Variants in VAV2 observed in about 807,000 individuals in gnomAD.
The protein encoded by VAV2 is vav guanine nucleotide exchange factor 2.
A neutral mutation model predicts 132.5 loss-of-function variants in VAV2; 67 were observed. The ratio of observed to expected loss-of-function variants is 0.51; its 90% confidence interval spans 0.42 to 0.62. VAV2 has a LOEUF of 0.62. Ranked by LOEUF, VAV2 falls within the 20% of genes least tolerant of loss-of-function variation. The pLI is 0.00. For missense variants in VAV2, 938 were observed against 1,153.6 expected, an observed-to-expected ratio of 0.81 and a Z score of 2.71; for synonymous variants, 492 against 443.5, an observed-to-expected ratio of 1.11 and a Z score of -1.37.
chr9:133,958,112 A>T (rs1841847847), intron 1 of VAV2, among the ~76,000 whole-genome samples: 2 of 143,172 alleles, frequency 1.4e-5, no homozygotes, highest in East Asian at 4.1e-4. Context: ...GTATTGTCCA[A>T]GGTTTCTCCC....
intron 1 of VAV2, among the ~76,000 whole-genome samples, chr9:133,983,092 G>A (rs750364459): frequency 1.3e-5 from 2 of 152,222 alleles, no homozygotes; most frequent in Non-Finnish European, 2.9e-5. Context: ...AGTCAGGAGG[G>A]AGACCTGCTG....
chr9:133,912,300 G>A lies in VAV2; in HGVS notation c.321+26803C>T, dbSNP rs1370137452. 6.6e-6 allele frequency among the ~76,000 whole-genome samples: 1 copy of A among 152,188 alleles called. No homozygotes were observed. The highest frequency in any genetic ancestry group is 2.4e-5 in the African/African-American group (1 of 41,454). Reference sequence around the variant, plus strand: ...CCGTCACCGGAGGATGGTCCAAGAAGGCGGGAAGGCCTTCCAGGTCTGGGA... The same window carrying A: ...CCGTCACCGGAGGATGGTCCAAGAAAGCGGGAAGGCCTTCCAGGTCTGGGA... On this transcript the variant is annotated intron_variant, in intron 2 of 29. Transcript: ENST00000371850. This position sits in a 1 kb window ranked among gnomAD's most constrained non-coding sequence, Gnocchi z 4.3.
At chr9:133,832,118 G>A (rs1000819045) in intron 4 of VAV2, among the ~76,000 whole-genome samples, 1 of 152,210 alleles carries the variant, frequency 6.6e-6, no homozygotes, top group Non-Finnish European at 1.5e-5. Flanking sequence ...GACCAGGAGA[G>A]GACAGGAAGA....
chr9:133,783,423 G>A, intron 19 of VAV2, 80 bp downstream of exon 19: 1 of 1,415,556 alleles, frequency 7.1e-7, no homozygotes, highest in Non-Finnish European at 1.0e-6. Context: ...TGGTGCCCGA[G>A]GCCCGTACCC....
intron 1 of VAV2, among the ~76,000 whole-genome samples, chr9:133,957,158 C>T (rs976086245): frequency 1.3e-5 from 2 of 152,184 alleles, no homozygotes; most frequent in Non-Finnish European, 2.9e-5. Flanking sequence ...GGTGGGGAAA[C>T]TGAGGCTCGG....
At chr9:133,975,267 T>C (rs2519133) in intron 1 of VAV2, among the ~76,000 whole-genome samples, 152,046 of 152,226 alleles carry the variant, frequency 1, 75,933 homozygotes, top group Non-Finnish European at 1. Flanking sequence ...CACAAACCCA[T>C]ATCCTCGCTC....
chr9:133,820,999 G>A (rs1198076768), intron 4 of VAV2, among the ~76,000 whole-genome samples: 4 of 152,128 alleles, frequency 2.6e-5, no homozygotes, highest in East Asian at 1.9e-4. Context: ...CCGGGCTGTC[G>A]TGCCTTCCCT....
intron 14 of VAV2, 73 bp downstream of exon 14, chr9:133,789,185 G>A (rs1564348020): frequency 1.3e-6 from 2 of 1,533,356 alleles, no homozygotes; most frequent in South Asian, 1.2e-5. Context: ...GAGCCACTTA[G>A]GAGTGGCTCC....
At chr9:133,966,813 T>C (rs925016672) in intron 1 of VAV2, among the ~76,000 whole-genome samples, 4 of 151,946 alleles carry the variant, frequency 2.6e-5, no homozygotes, top group Non-Finnish European at 2.9e-5. Context: ...GGCGGGCAGA[T>C]CACTTGAGGT....
chr9:133,985,433 C>A (rs1444789228), intron 1 of VAV2, among the ~76,000 whole-genome samples: 1 of 152,210 alleles, frequency 6.6e-6, no homozygotes, highest in Admixed American at 6.5e-5. Context: ...AGGCGTGTGC[C>A]ACCACCCCCG....
intron 2 of VAV2, among the ~76,000 whole-genome samples, chr9:133,867,658 G>A (rs537576030): frequency 1.1e-4 from 17 of 152,346 alleles, no homozygotes; most frequent in East Asian, 7.7e-4. Context: ...TCAGTGCCCC[G>A]CAAGCCCTGT....
intron 2 of VAV2, among the ~76,000 whole-genome samples, chr9:133,866,868 G>A (rs994732744): frequency 6.6e-6 from 1 of 151,994 alleles, no homozygotes; most frequent in African/African-American, 2.4e-5. Flanking sequence ...TGATGGGGTG[G>A]TGTCTGTTTA....
At chr9:133,873,858 C>T (rs1838157129) in intron 2 of VAV2, among the ~76,000 whole-genome samples, 1 of 152,246 alleles carries the variant, frequency 6.6e-6, no homozygotes. Context: ...CCAGCAACTT[C>T]CAGGCAGGGC....
At chr9:133,973,258 C>A (rs1426349113) in intron 1 of VAV2, among the ~76,000 whole-genome samples, 1 of 152,196 alleles carries the variant, frequency 6.6e-6, no homozygotes, top group African/African-American at 2.4e-5. Flanking sequence ...CCGCCCAGAG[C>A]GTCAACCCCC....
At position 133,806,108 on chromosome 9, in the gene VAV2, G is replaced by A; in HGVS notation, c.809C>T (p.Ala270Val). ...TTCCTTGAAATCGAGGAAGACCTTG[G>A]CCAGCGTGCTGCCCCCCACCATCAC... ...VSVMVGGSTL[A>V]KVFLDFKERL... Residue 270 changes from alanine (A) to valine (V), a missense_variant, in exon 9 of 30, where the codon GCC becomes GTC. Transcript: ENST00000371850. 1 of 1,613,008 alleles carries A rather than the reference G, an allele frequency of 6.2e-7. No homozygotes were observed. The highest frequency in any genetic ancestry group is 8.5e-7 in the Non-Finnish European group (1 of 1,179,966).
In VAV2 at chr9:133,834,261, C is replaced by T. The variant is rs1209630674; in HGVS notation, c.449+11G>A. The T allele has an allele frequency of 5.6e-6, 9 of 1,606,708 alleles. No homozygotes were observed. Among genetic ancestry groups the T allele is most frequent in the South Asian group, 2.2e-5 (2 of 89,566 alleles). ...CTCCTCTCCATCCCTCCTCCCATCC[C>T]CCCGCCTTACTCGGCCAGCTCCTCC... On this transcript the variant is annotated intron_variant, in intron 4 of 29. Transcript: ENST00000371850. This position sits in a 1 kb window ranked among gnomAD's most constrained non-coding sequence, Gnocchi z 5.9.
chr9:133,920,833 G>A (rs1159259305), intron 2 of VAV2, among the ~76,000 whole-genome samples: 1 of 152,128 alleles, frequency 6.6e-6, no homozygotes, highest in African/African-American at 2.4e-5. Context: ...CCCCAACTGA[G>A]GTCCCTGAAG....
In VAV2 at chr9:133,893,943, G is replaced by A. The variant is rs536756032; in HGVS notation, c.322-32511C>T. ...TCACAGACCTCTGGAAAGTTCTGTC[G>A]TAATCTCCACCTTACATCTGCAGAA... On this transcript the variant is annotated intron_variant, in intron 2 of 29. Coordinates refer to ENST00000371850, the MANE Select transcript of VAV2 (RefSeq NM_001134398.2). Among the ~76,000 whole-genome samples the A allele has an allele frequency of 5.3e-5, 8 of 152,152 alleles. No homozygotes were observed. The South Asian group carries it at 6.2e-4, about 12-fold the overall frequency.
intron 3 of VAV2, among the ~76,000 whole-genome samples, chr9:133,852,948 C>T (rs142414598): frequency 2.8e-4 from 43 of 152,314 alleles, no homozygotes; most frequent in Admixed American, 8.5e-4. Flanking sequence ...ATGCACTTCC[C>T]GTGTGCCAGG....
Sources: gnomAD v4.1 joint callset for allele counts (sites outside exome capture counted in the v4.1 genomes callset) on GRCh38, gnomAD v4.1.1 for gene constraint, Gnocchi (gnomAD v3.1) non-coding constraint, MANE v1.5 for transcripts, NCBI Gene and HGNC (gene_info 2026-07-23, HGNC 2026-07-21) for gene names.